Variants in WLS observed in about 807,000 individuals in gnomAD.
WLS encodes the protein protein wntless homolog.
Under a neutral mutation model 62.8 loss-of-function variants are expected in WLS, and 23 were observed. The ratio of observed to expected loss-of-function variants is 0.37; its 90% CI spans 0.26 to 0.52. WLS has a LOEUF of 0.52. WLS is among the 20% of genes least tolerant of loss of function. The pLI, the probability that WLS is intolerant of heterozygous loss-of-function variation, is 0.92. For synonymous variants in WLS, 246 were observed against 244.1 expected (o/e 1.01, Z -0.07); for missense variants, 615 against 697.3 (o/e 0.88, Z 1.33).
intron 1 of WLS, among the ~76,000 whole-genome samples, chr1:68,212,870 A>G (rs753546740): frequency 9.8e-5 from 15 of 152,354 alleles, no homozygotes; most frequent in South Asian, 2.1e-4. Flanking sequence ...TCACTAATTT[A>G]ACATCCAGTG....
At chr1:68,138,908 G>T (rs1339773608) in intron 10 of WLS, among the ~76,000 whole-genome samples, 2 of 152,146 alleles carry the variant, frequency 1.3e-5, no homozygotes, top group Non-Finnish European at 2.9e-5. Flanking sequence ...AAGATGGCAG[G>T]CTAGATTGAA....
At chr1:68,102,250 C>T (rs1646088766) in intron 11 of WLS, among the ~76,000 whole-genome samples, 2 of 130,130 alleles carry the variant, frequency 1.5e-5, no homozygotes, top group South Asian at 4.3e-4. Context: ...CCTGCCCCTT[C>T]CTCTTTTTAC....
intron 2 of WLS, among the ~76,000 whole-genome samples, chr1:68,190,401 T>C (rs12093690): frequency 0.037 from 5,705 of 152,264 alleles, 348 homozygotes; most frequent in African/African-American, 0.13. Flanking sequence ...CTCCCTTGAG[T>C]GTGGGTTGAA....
chr1:68,184,154 C>G (rs1647765385), intron 2 of WLS, among the ~76,000 whole-genome samples: 1 of 152,180 alleles, frequency 6.6e-6, no homozygotes, highest in African/African-American at 2.4e-5. Flanking sequence ...GGCTTTCTGC[C>G]AATGGCTCTA....
chr1:68,152,859 A>C (rs1646845569), intron 5 of WLS, among the ~76,000 whole-genome samples: 1 of 152,214 alleles, frequency 6.6e-6, no homozygotes, highest in African/African-American at 2.4e-5. Flanking sequence ...AAGTAGGTAC[A>C]TCTACAGGAG....
chr1:68,204,784 C>G (rs1254408185), intron 1 of WLS, among the ~76,000 whole-genome samples: 2 of 152,106 alleles, frequency 1.3e-5, no homozygotes, highest in African/African-American at 2.4e-5. Context: ...CTTCAGTTGA[C>G]AAAAGATCCT....
intron 11 of WLS, among the ~76,000 whole-genome samples, chr1:68,127,448 C>G (rs4655776): frequency 0.57 from 86,696 of 152,006 alleles, 25,743 homozygotes; most frequent in Non-Finnish European, 0.65. Flanking sequence ...TTGAACTTTT[C>G]TAAATTAGTA....
At chr1:68,210,016 G>A (rs1649448455) in intron 1 of WLS, among the ~76,000 whole-genome samples, 1 of 152,202 alleles carries the variant, frequency 6.6e-6, no homozygotes, top group Non-Finnish European at 1.5e-5. Flanking sequence ...AAAGTTACAT[G>A]AGTTCAAATG....
chr1:68,195,696 T>C (rs1320992314), intron 1 of WLS, among the ~76,000 whole-genome samples: 3 of 152,138 alleles, frequency 2.0e-5, no homozygotes, highest in African/African-American at 4.8e-5. Context: ...AGATCTTATA[T>C]GGAATCCCTC....
chr1:68,151,317 CAA>C (rs1646822473), intron 5 of WLS, among the ~76,000 whole-genome samples: 1 of 152,080 alleles, frequency 6.6e-6, no homozygotes, highest in African/African-American at 2.4e-5. Context: ...ACCAGAGAAA[CAA>C]AGAGGGCTGT....
chr1:68,165,158 TA>T (rs200508906), intron 2 of WLS, among the ~76,000 whole-genome samples: 2,018 of 152,182 alleles, frequency 0.013, 30 homozygotes, highest in Non-Finnish European at 0.02. Flanking sequence ...TGAAAAGCTG[TA>T]AAAAATGTCA....
In WLS at chr1:68,125,728, CCTGG is replaced by C; in HGVS notation, c.*494_*497del. ...ACTTAAATATTAACTCAGTGGGCTA[CCTGG>C]TGATATAAATAGGAAAAAAACAGTG... On this transcript the variant is annotated 3_prime_UTR_variant, in exon 12 of 12. Transcript: ENST00000262348. The C allele has an allele frequency of 1.0e-6, 1 of 986,094 alleles. No homozygotes were observed. Among genetic ancestry groups the C allele is most frequent in the Non-Finnish European group, 1.2e-6 (1 of 830,478 alleles). 61.1% of individuals were successfully genotyped at this position (986,094 alleles called of 1,614,324 possible). A position where few individuals can be genotyped will look rare whatever the true frequency, so the allele number is the denominator to read the frequency against.
chr1:68,113,271 T>A (rs1646251705), intron 11 of WLS, among the ~76,000 whole-genome samples: 1 of 152,174 alleles, frequency 6.6e-6, no homozygotes, highest in Non-Finnish European at 1.5e-5. Context: ...AAAGAGATGC[T>A]TTGGATGCAA....
intron 10 of WLS, chr1:68,141,368 T>A (rs1053348717): frequency 6.6e-6 from 1 of 152,210 alleles, no homozygotes; most frequent in African/African-American, 2.4e-5. Flanking sequence ...TCCCCTGCAC[T>A]GCACTTCTGT....
chr1:68,133,412 G>A (rs1043019815), intron 11 of WLS, among the ~76,000 whole-genome samples: 2 of 152,074 alleles, frequency 1.3e-5, no homozygotes, highest in Admixed American at 1.3e-4. Context: ...CCTTTCAAGA[G>A]GTAGATGAGG....
rs1648523777 is a variant in WLS, at chr1:68,194,105, T to A, written c.229A>T (p.Ile77Phe). Residue 77 changes from isoleucine (I) to phenylalanine (F), a missense_variant, in exon 2 of 12, where the codon ATT becomes TTT. Ile to Phe is a conservative substitution (Grantham distance 21). Coordinates refer to ENST00000262348, the MANE Select transcript of WLS (RefSeq NM_024911.7). ...ATTTCCCTTGGAATTGCCTCTTCAA[T>A]GTCTCGGATCTTGTCACAATGATTG... Reference protein sequence around the residue: ...GPNHCDKIRDIEEAIPREIEA... With the variant: ...GPNHCDKIRDFEEAIPREIEA... 4 of 1,614,074 alleles carry A rather than the reference T, an allele frequency of 2.5e-6. No homozygotes were observed. The highest frequency in any genetic ancestry group is 3.4e-6 in the Non-Finnish European group (4 of 1,180,044).
intron 11 of WLS, among the ~76,000 whole-genome samples, chr1:68,107,344 G>A (rs868077557): frequency 1.3e-5 from 2 of 151,686 alleles, no homozygotes; most frequent in African/African-American, 2.4e-5. Flanking sequence ...ATCTTTGAAC[G>A]GTTTTTTATT....
intron 1 of WLS, among the ~76,000 whole-genome samples, chr1:68,225,340 G>A (rs1234007489): frequency 1.3e-5 from 2 of 152,092 alleles, no homozygotes; most frequent in African/African-American, 4.8e-5. Context: ...TTAAGTTTGA[G>A]AATTGGCATG....
chr1:68,109,514 A>G (rs1646192833), intron 11 of WLS, among the ~76,000 whole-genome samples: 2 of 152,232 alleles, frequency 1.3e-5, no homozygotes, highest in South Asian at 4.1e-4. Context: ...TCATTCAAAA[A>G]ATATGAAGTC....
Sources: allele counts gnomAD v4.1 joint callset (sites outside exome capture counted in the v4.1 genomes callset), GRCh38; gene constraint gnomAD v4.1.1; transcripts MANE v1.5; gene names NCBI Gene and HGNC (gene_info 2026-07-23, HGNC 2026-07-21).